The following MAP3K11 variants were observed in gnomAD, a reference collection of about 807,000 sequenced individuals.
MAP3K11 encodes the protein mitogen-activated protein kinase kinase kinase 11, also known as SH3 domain-containing proline-rich kinase.
MAP3K11 carries 46 observed loss-of-function variants against 84.9 expected under a neutral mutation model. The observed-to-expected ratio is 0.54, with a 90% CI of 0.43 to 0.69. The LOEUF is 0.69. Among genes scored for constraint, MAP3K11 ranks in the 30% least tolerant of loss-of-function variants. MAP3K11 has a pLI of 0.00. For synonymous variants in MAP3K11, 527 were observed against 514.7 expected (o/e 1.02, Z -0.32); for missense variants, 1,053 against 1,198.3 (o/e 0.88, Z 1.79).
Position 65,613,272 on chromosome 11 carries a change from C to A in MAP3K11, c.485G>T (p.Arg162Leu), listed in dbSNP as rs374217526. The change falls in exon 1 of 10, where the codon CGC becomes CTC. Residue 162 changes from arginine (R) to leucine (L), a missense_variant. Arg to Leu is a moderately radical substitution (Grantham distance 102). Coordinates refer to ENST00000309100, the MANE Select transcript of MAP3K11 (RefSeq NM_002419.4). ...CATGGCGAAGAGCCGGGCCTCCTGG[C>A]GAACGCTCTCGGCTGTCACACTGAT... ...EDISVTAESVRQEARLFAMLA... is the reference protein window; with the variant it reads ...EDISVTAESVLQEARLFAMLA... 6.2e-7 allele frequency: 1 copy of A among 1,611,960 alleles called. No individual in the cohort carries two copies. Among genetic ancestry groups the A allele is most frequent in the South Asian group, 1.1e-5 (1 of 90,970 alleles).
intron 4 of MAP3K11, 49 bp from the exon 5 acceptor site, chr11:65,607,562 GGCA>G (rs756452250): frequency 1.3e-6 from 2 of 1,546,634 alleles, no homozygotes; most frequent in East Asian, 4.5e-5. Flanking sequence ...CACCAATCCC[GGCA>G]GCGCCCGCCC....
At chr11:65,601,205 C>T (rs941227554) in intron 8 of MAP3K11, among the ~76,000 whole-genome samples, 2 of 152,218 alleles carry the variant, frequency 1.3e-5, no homozygotes, top group South Asian at 2.1e-4. Context: ...GTATGGTGAG[C>T]TGCATGCCTG....
intron 5 of MAP3K11, 113 bp from the exon 6 acceptor site, chr11:65,606,917 G>A (rs1854515125): frequency 1.5e-6 from 1 of 683,834 alleles, no homozygotes; most frequent in Non-Finnish European, 2.5e-6. Context: ...GCGGCACGAT[G>A]GCTGTGAGAC....
intron 8 of MAP3K11, among the ~76,000 whole-genome samples, chr11:65,605,167 A>T (rs1239547413): frequency 1.3e-5 from 2 of 151,974 alleles, no homozygotes; most frequent in Non-Finnish European, 2.9e-5. Context: ...CCTCTTCATC[A>T]ATGCTTGGAG....
Position 65,608,423 on chromosome 11 carries a change from A to G in MAP3K11, c.765T>C (p.Ser255=), listed in dbSNP as rs756651648. The part of the protein sequence containing the change: ...NNILLLQPIE[S]DDMEHKTLKI... Reference sequence around the variant, plus strand: ...TCAGGGTCTTGTGCTCCATGTCGTCACTCTCAATGGGCTGCAGCAGCAAAA... The same window carrying G: ...TCAGGGTCTTGTGCTCCATGTCGTCGCTCTCAATGGGCTGCAGCAGCAAAA... Residue 255 remains serine (S), a synonymous_variant, in exon 2 of 10, where the codon AGT becomes AGC. Transcript: ENST00000309100. The G allele has an allele frequency of 1.9e-6, 3 of 1,614,018 alleles. No homozygotes were observed. The highest frequency in any genetic ancestry group is 2.2e-5 in the East Asian group (1 of 44,862).
At chr11:65,606,228 T>TG in intron 6 of MAP3K11, 147 bp from the exon 7 acceptor site, 1 of 911,414 alleles carries the variant, frequency 1.1e-6, no homozygotes, top group Non-Finnish European at 1.5e-6. Context: ...TAGATGGGTT[T>TG]GGGTCTTGGG....
Position 65,607,457 on chromosome 11 carries a change from C to T in MAP3K11, c.1302G>A (p.Gln434=). The T allele has an allele frequency of 1.3e-6, 2 of 1,548,886 alleles. No individual in the cohort carries two copies. Among genetic ancestry groups the T allele is most frequent in the Non-Finnish European group, 1.7e-6 (2 of 1,157,580 alleles). ...LTRAAREQRS[Q]AEQLRRREHL... is the part of the protein sequence containing the mutation. ...GCTCGCGCCGCCGCAGCTGCTCCGC[C>T]TGTGACCGCTGCTCGCGCGCCGCTC... Residue 434 remains glutamine (Q), a synonymous_variant, in exon 5 of 10, where the codon CAG becomes CAA. Coordinates refer to ENST00000309100, the MANE Select transcript of MAP3K11 (RefSeq NM_002419.4).
At chr11:65,603,068 A>C (rs1422724652) in intron 8 of MAP3K11, among the ~76,000 whole-genome samples, 4 of 152,198 alleles carry the variant, frequency 2.6e-5, no homozygotes, top group African/African-American at 9.6e-5. Context: ...ATGCCATTGC[A>C]GTCCAGCCTG....
intron 3 of MAP3K11, 47 bp from the exon 4 acceptor site, chr11:65,607,863 G>A (rs1188732336): frequency 8.7e-6 from 14 of 1,606,290 alleles, no homozygotes; most frequent in Non-Finnish European, 1.2e-5. Context: ...GGGGTCCGTG[G>A]GTGGATGTGT....
chr11:65,606,241 C>A, intron 6 of MAP3K11, 160 bp from the exon 7 acceptor site: 1 of 744,738 alleles, frequency 1.3e-6, no homozygotes, highest in Non-Finnish European at 2.0e-6. Flanking sequence ...GTCTTGGGGC[C>A]AACAGTGGGG....
In MAP3K11 at chr11:65,598,315, C is replaced by T. The variant is rs370002899; in HGVS notation, c.2520G>A (p.Pro840=). ...AQTKDMGAQA[P]WVPEAGP is the part of the protein sequence containing the mutation. The stretch of plus-strand genomic sequence containing the variant: ...CTCAAGGCCCCGCTTCCGGCACCCA[C>T]GGGGCCTGGGCACCCATGTCTTTGG... The change falls in exon 10 of 10, where the codon CCG becomes CCA. Residue 840 remains proline (P), a synonymous_variant. Transcript: ENST00000309100. 25 of 1,477,434 alleles carry T rather than the reference C, an allele frequency of 1.7e-5. No homozygotes were observed. Among genetic ancestry groups the T allele is most frequent in the Non-Finnish European group, 2.1e-5 (23 of 1,112,854 alleles). The allele number at this position is 1,477,434 out of a possible 1,614,324, so 91.5% of individuals were successfully genotyped here.
rs1026544299 is a variant in MAP3K11, at chr11:65,613,206, A to C, written c.551T>G (p.Leu184Arg). ...CACCAGGCACAGGTTGGGCTCCTCC[A>C]GGCACACAGCCTTGAGGGCAATGAT... Reference protein sequence around the residue: ...PNIIALKAVCLEEPNLCLVME... With the variant: ...PNIIALKAVCREEPNLCLVME... The change falls in exon 1 of 10, where the codon CTG (leucine) becomes CGG (arginine). Residue 184 changes from leucine to arginine, a missense_variant. This residue lies in a region of MAP3K11 where 310 missense variants were observed against 464.5 expected (regional missense o/e 0.67). Transcript: ENST00000309100. 1 of 1,590,026 alleles carries C rather than the reference A, an allele frequency of 6.3e-7. No individual in the cohort carries two copies. The highest frequency in any genetic ancestry group is 1.7e-5 in the Admixed American group (1 of 58,624).
rs1487637119 is a variant in MAP3K11, at chr11:65,607,280, G to A, written c.1479C>T (p.Ser493=). ...LRARDGGERI[S]MPLDFKHRIT... ...GGGCCCGGCCCTCACCGAGTGGCAT[G>A]CTGATACGCTCGCCGCCGTCGCGCG... Residue 493 remains serine, a synonymous_variant, in exon 5 of 10, where the codon AGC becomes AGT. Transcript: ENST00000309100. The A allele has an allele frequency of 2.6e-6, 4 of 1,520,214 alleles. No individual in the cohort carries two copies. Among genetic ancestry groups the A allele is most frequent in the Admixed American group, 2.1e-5 (1 of 48,754 alleles). The allele number at this position is 1,520,214 out of a possible 1,614,324, so 94.2% of individuals were successfully genotyped here.
rs1362978718 is a variant in MAP3K11, at chr11:65,607,474, G to C, written c.1285C>G (p.Arg429Gly). The C allele has an allele frequency of 6.4e-7, 1 of 1,564,826 alleles. No homozygotes were observed. Among genetic ancestry groups the C allele is most frequent in the Non-Finnish European group, 8.6e-7 (1 of 1,164,372 alleles). ...SREEELTRAA[R>G]EQRSQAEQLR... ...TGCTCCGCCTGTGACCGCTGCTCGC[G>C]CGCCGCTCGCGTCAGCTCCTCCTCG... The change falls in exon 5 of 10, where the codon CGC becomes GGC. Residue 429 changes from arginine to glycine, a missense_variant. Around this residue, in one of 3 missense-constraint regions of MAP3K11, gnomAD observed 310 missense variants for 464.5 expected, o/e 0.67. Transcript: ENST00000309100.
In MAP3K11 at chr11:65,598,517, C is replaced by T. The variant is rs1386032470; in HGVS notation, c.2318G>A (p.Arg773His). The part of the protein sequence containing the change: ...LISRPRPSPL[R>H]SRIDPWSFVS... ...AAAGCTCCAGGGATCAATGCGGCTG[C>T]GAAGGGGCGAGGGCCGAGGTCGGCT... Residue 773 changes from arginine (R) to histidine (H), a missense_variant, in exon 10 of 10, where the codon CGC becomes CAC. Arg to His is a conservative substitution (Grantham distance 29). This residue lies in a region of MAP3K11 where 583 missense variants were observed against 566.6 expected (regional missense o/e 1.03). Coordinates refer to ENST00000309100, the MANE Select transcript of MAP3K11 (RefSeq NM_002419.4). 12 of 1,613,072 alleles carry T rather than the reference C, an allele frequency of 7.4e-6. No individual in the cohort carries two copies. The highest frequency in any genetic ancestry group is 1.7e-5 in the Admixed American group (1 of 59,956).
chr11:65,603,944 TC>T (rs1854481121), intron 8 of MAP3K11, among the ~76,000 whole-genome samples: 1 of 152,242 alleles, frequency 6.6e-6, no homozygotes, highest in African/African-American at 2.4e-5. Context: ...GCTGCGGCTC[TC>T]TCAGTTTGCA....
At chr11:65,612,653 C>T (rs1078457) in intron 1 of MAP3K11, 30,340 of 190,832 alleles carry the variant, frequency 0.16, 2,906 homozygotes, top group East Asian at 0.26. Context: ...GCACCAACTC[C>T]ACGAACATGA....
At position 65,598,168 on chromosome 11, in the gene MAP3K11, C is replaced by T; in HGVS notation, c.*123G>A. 3 of 837,970 alleles carry T rather than the reference C, an allele frequency of 3.6e-6. No individual in the cohort carries two copies. The highest frequency in any genetic ancestry group is 2.9e-5 in the South Asian group (1 of 34,844). 51.9% of individuals were successfully genotyped at this position (837,970 alleles called of 1,614,324 possible). A position where few individuals can be genotyped will look rare whatever the true frequency, so the allele number is the denominator to read the frequency against. ...CTGTGCAGTGTAGTGTTCCTGACCCCCAAAGGGGGGTGGGGTCCCTGGGGA... is the reference window on the plus strand; with the variant it reads ...CTGTGCAGTGTAGTGTTCCTGACCCTCAAAGGGGGGTGGGGTCCCTGGGGA... On this transcript the variant is annotated 3_prime_UTR_variant, in exon 10 of 10. Transcript: ENST00000309100.
chr11:65,613,469 C>G lies in MAP3K11; in HGVS notation c.288G>C (p.Pro96=), dbSNP rs561470290. The part of the protein sequence containing the change: ...GQVGGQVGIF[P]SNYVSRGGGP... ...CGCCACCCCGAGACACATAGTTGGA[C>G]GGGAAGATGCCCACCTGGCCACCCA... The change falls in exon 1 of 10, where the codon CCG becomes CCC. Residue 96 remains proline (P), a synonymous_variant. Transcript: ENST00000309100. 6.2e-7 allele frequency: 1 copy of G among 1,612,150 alleles called. No homozygotes were observed. The highest frequency in any genetic ancestry group is 8.5e-7 in the Non-Finnish European group (1 of 1,179,350).
Sources: gnomAD v4.1 joint callset for allele counts (sites outside exome capture counted in the v4.1 genomes callset) on GRCh38, gnomAD v4.1.1 for gene constraint, gnomAD v4.1.1 regional missense constraint, MANE v1.5 for transcripts, NCBI Gene and HGNC (gene_info 2026-07-23, HGNC 2026-07-21) for gene names.